Variants in DLC1 observed in about 807,000 individuals in gnomAD.
DLC1 encodes the protein DLC1 Rho GTPase activating protein.
DLC1 carries 54 observed loss-of-function variants against 140.3 expected under a neutral mutation model. The observed-to-expected ratio is 0.38, with a 90% CI of 0.31 to 0.48. The LOEUF is 0.48. Among genes scored for constraint, DLC1 ranks in the 20% least tolerant of loss-of-function variants. The pLI is 0.96. For synonymous variants in DLC1, 986 were observed against 728.1 expected, an observed-to-expected ratio of 1.35 and a Z score of -5.70; for missense variants, 2,536 against 1,907.0, an observed-to-expected ratio of 1.33 and a Z score of -6.14.
intron 5 of DLC1, among the ~76,000 whole-genome samples, chr8:13,194,369 T>G (rs1193777452): frequency 6.6e-6 from 1 of 152,184 alleles, no homozygotes; most frequent in Non-Finnish European, 1.5e-5. Flanking sequence ...CCCCTGCCCT[T>G]TACACATATT....
intron 5 of DLC1, among the ~76,000 whole-genome samples, chr8:13,231,579 C>T (rs533955100): frequency 6.6e-6 from 1 of 152,318 alleles, no homozygotes; most frequent in Admixed American, 6.5e-5. Flanking sequence ...ACTTTTCTTT[C>T]ATTTTGATTG....
intron 4 of DLC1, chr8:13,340,172 C>T (rs962689981): frequency 6.6e-6 from 1 of 152,332 alleles, no homozygotes; most frequent in Non-Finnish European, 1.5e-5. Flanking sequence ...AAGGGCATTG[C>T]AGGCACTATT....
chr8:13,599,987 A>G (rs1235665297), intron 1 of DLC1, among the ~76,000 whole-genome samples: 3 of 151,920 alleles, frequency 2.0e-5, no homozygotes, highest in East Asian at 3.9e-4. Context: ...ACCATTATCA[A>G]ATGAGCCTTG....
intron 1 of DLC1, among the ~76,000 whole-genome samples, chr8:13,591,616 G>A (rs1381454368): frequency 6.6e-6 from 1 of 152,046 alleles, no homozygotes; most frequent in Non-Finnish European, 1.5e-5. Context: ...AATACAGGGG[G>A]ATAAATATTA....
At chr8:13,520,874 CCACCCTCCAGT>C (rs1426053634) in intron 1 of DLC1, among the ~76,000 whole-genome samples, 2 of 152,094 alleles carry the variant, frequency 1.3e-5, no homozygotes. Flanking sequence ...TCACCATGTA[CCACCCTCCAGT>C]CACCACCCTT....
chr8:13,314,105 C>T (rs1832779304), intron 4 of DLC1, among the ~76,000 whole-genome samples: 1 of 151,816 alleles, frequency 6.6e-6, no homozygotes, highest in Non-Finnish European at 1.5e-5. Context: ...GTAGGAGATC[C>T]CTGGGACCAC....
At chr8:13,302,711 C>CA (rs376892685) in intron 5 of DLC1, among the ~76,000 whole-genome samples, 51,767 of 122,316 alleles carry the variant, frequency 0.42, 9,761 homozygotes, top group Middle Eastern at 0.45. Context: ...TAGAAAGATA[C>CA]AAAAAAAAAA....
intron 5 of DLC1, among the ~76,000 whole-genome samples, chr8:13,182,352 T>G (rs944901341): frequency 6.6e-6 from 1 of 152,188 alleles, no homozygotes; most frequent in African/African-American, 2.4e-5. Context: ...ATTTTGGCTT[T>G]TGTTGCCTTT....
At chr8:13,564,065 ATTTTC>A (rs1804338844) in intron 1 of DLC1, among the ~76,000 whole-genome samples, 1 of 152,150 alleles carries the variant, frequency 6.6e-6, no homozygotes, top group African/African-American at 2.4e-5. Context: ...GTGGCTTATC[ATTTTC>A]TTTTTTAAAA....
intron 5 of DLC1, among the ~76,000 whole-genome samples, chr8:13,202,487 A>G (rs1827442903): frequency 6.6e-6 from 1 of 152,060 alleles, no homozygotes; most frequent in African/African-American, 2.4e-5. Flanking sequence ...TATTCTCCAG[A>G]CTTAGTAAAA....
chr8:13,294,513 A>G (rs1224483066), intron 5 of DLC1, among the ~76,000 whole-genome samples: 1 of 152,170 alleles, frequency 6.6e-6, no homozygotes, highest in Non-Finnish European at 1.5e-5. Flanking sequence ...CAGGACACAA[A>G]TGAGTCATTG....
rs901172499 is a variant in DLC1 at position 13,473,486 on chromosome 8, G to C, written c.1023+25563C>G. Reference sequence around the variant, plus strand: ...ATGATACAGTAAATTGGTACCAGTAGAGCGGGGTGCTGCTGTATATACCCA... The same window carrying C: ...ATGATACAGTAAATTGGTACCAGTACAGCGGGGTGCTGCTGTATATACCCA... On this transcript the variant is annotated intron_variant, in intron 2 of 17. Transcript: ENST00000276297. 5.9e-5 allele frequency among the ~76,000 whole-genome samples: 9 copies of C among 152,162 alleles called. No homozygotes were observed. The East Asian group carries it at 7.7e-4, about 13-fold the overall frequency.
chr8:13,356,860 ATTAT>A (rs1245170954), intron 4 of DLC1, among the ~76,000 whole-genome samples: 5 of 150,544 alleles, frequency 3.3e-5, no homozygotes, highest in African/African-American at 1.2e-4. Context: ...TTTATTTTTT[ATTAT>A]TTATTTATTT....
intron 2 of DLC1, among the ~76,000 whole-genome samples, chr8:13,442,499 A>G (rs1798564721): frequency 6.6e-6 from 1 of 152,212 alleles, no homozygotes; most frequent in African/African-American, 2.4e-5. Flanking sequence ...AACTCAAACA[A>G]GTTTACAAGA....
intron 4 of DLC1, among the ~76,000 whole-genome samples, chr8:13,319,966 G>A (rs940791549): frequency 1.3e-5 from 2 of 151,700 alleles, no homozygotes; most frequent in African/African-American, 4.8e-5. Context: ...GGGGTTACAG[G>A]TGCACGCCAC....
intron 2 of DLC1, among the ~76,000 whole-genome samples, chr8:13,422,159 A>C (rs2117350396): frequency 6.6e-6 from 1 of 152,202 alleles, no homozygotes; most frequent in Admixed American, 6.6e-5. Context: ...GATTCCTTAA[A>C]ATATTATGTT....
intron 2 of DLC1, among the ~76,000 whole-genome samples, chr8:13,484,426 G>A (rs538820127): frequency 6.6e-5 from 10 of 152,182 alleles, no homozygotes; most frequent in East Asian, 3.9e-4. Flanking sequence ...TCTAGCAGCC[G>A]TTCTCAATAA....
chr8:13,556,677 G>A (rs1359132793), intron 1 of DLC1, among the ~76,000 whole-genome samples: 1 of 152,162 alleles, frequency 6.6e-6, no homozygotes, highest in Non-Finnish European at 1.5e-5. Flanking sequence ...GCGCCTGACA[G>A]GACTGCTCTT....
chr8:13,310,021 T>C (rs1832608666), intron 4 of DLC1, among the ~76,000 whole-genome samples: 1 of 152,220 alleles, frequency 6.6e-6, no homozygotes, highest in South Asian at 2.1e-4. Context: ...TTGTATGAAA[T>C]ATTTTCCTCT....
Sources: gnomAD v4.1 joint callset for allele counts (sites outside exome capture counted in the v4.1 genomes callset) on GRCh38, gnomAD v4.1.1 for gene constraint, MANE v1.5 for transcripts, NCBI Gene and HGNC (gene_info 2026-07-23, HGNC 2026-07-21) for gene names.